Variants in IGSF9 observed in about 807,000 individuals in gnomAD.
IGSF9 encodes protein turtle homolog A.
In IGSF9, 87 loss-of-function variants were observed where a neutral mutation model predicts 121.7. The ratio of observed to expected loss-of-function variants is 0.71; its 90% CI spans 0.60 to 0.85. The LOEUF is 0.85. IGSF9 is among the 40% of genes least tolerant of loss of function. The pLI, the probability that IGSF9 is intolerant of heterozygous loss-of-function variation, is 0.00. For synonymous variants in IGSF9, 640 were observed against 648.4 expected (o/e 0.99, Z 0.20); for missense variants, 1,462 against 1,565.3 (o/e 0.93, Z 1.11).
In IGSF9 at chr1:159,930,387, A is replaced by G; in HGVS notation, c.1866T>C (p.Pro622=). 6.3e-7 allele frequency: 1 copy of G among 1,576,242 alleles called. No individual in the cohort carries two copies. Among genetic ancestry groups the G allele is most frequent in the Non-Finnish European group, 8.6e-7 (1 of 1,159,838 alleles). The part of the protein sequence containing the change: ...APGLPPTEIP[P]PLSPPRGLVA... Reference sequence around the variant, plus strand: ...CCAGACCCCGCGGAGGGGACAGGGGAGGCGGTATCTCTGTTGGGGGAAGCC... The same window carrying G: ...CCAGACCCCGCGGAGGGGACAGGGGGGGCGGTATCTCTGTTGGGGGAAGCC... The change falls in exon 15 of 21, where the codon CCT becomes CCC. Residue 622 remains proline, a synonymous_variant. Transcript: ENST00000368094.
At position 159,932,507 on chromosome 1, in the gene IGSF9, C is replaced by G; in HGVS notation, c.1245+5G>C. The G allele has an allele frequency of 2.5e-6, 4 of 1,613,828 alleles. No individual in the cohort carries two copies. Among genetic ancestry groups the G allele is most frequent in the Non-Finnish European group, 3.4e-6 (4 of 1,179,862 alleles). ...CCACAGGCCCCCGCCCACCCCCGGC[C>G]TAACCTTGAGCAGCACGCGGGTCAC... is the stretch of plus-strand genomic sequence containing the variant. On this transcript the variant is annotated splice_donor_5th_base_variant and intron_variant, in intron 10 of 20. Coordinates refer to ENST00000368094, the MANE Select transcript of IGSF9 (RefSeq NM_001135050.2). The surrounding 1 kb of genome is among the most constrained non-coding windows in gnomAD (Gnocchi z 4.1).
At position 159,929,956 on chromosome 1, in the gene IGSF9, C is replaced by A; in HGVS notation, c.2084G>T (p.Arg695Leu). 1.9e-6 allele frequency: 3 copies of A among 1,585,862 alleles called. No individual in the cohort carries two copies. The highest frequency in any genetic ancestry group is 2.3e-5 in the South Asian group (2 of 88,344). ...GAAGCTGCCCGCGAAGGCCACGAGG[C>A]GGAACTCGTAGAGAACATCCTGCGA... ...GLIKDVLYEF[R>L]LVAFAGSFVS... Residue 695 changes from arginine to leucine, a missense_variant, in exon 16 of 21, where the codon CGC (arginine) becomes CTC (leucine). Arg to Leu is a moderately radical substitution (Grantham distance 102). Coordinates refer to ENST00000368094, the MANE Select transcript of IGSF9 (RefSeq NM_001135050.2).
chr1:159,943,431 G>C lies in IGSF9; in HGVS notation c.24C>G (p.Ala8=), dbSNP rs151312318. Residue 8 remains alanine (A), a synonymous_variant, in exon 2 of 21, where the codon GCC becomes GCG. Coordinates refer to ENST00000368094, the MANE Select transcript of IGSF9 (RefSeq NM_001135050.2). ...CCTGGCTGATGACCAGGCTGAGGACGGCCAGGCCGAGGCACCACACCATAG... is the reference window on the plus strand; with the variant it reads ...CCTGGCTGATGACCAGGCTGAGGACCGCCAGGCCGAGGCACCACACCATAG... MVWCLGL[A]VLSLVISQGA... 1.9e-6 allele frequency: 3 copies of C among 1,588,094 alleles called. No individual in the cohort carries two copies. Among genetic ancestry groups the C allele is most frequent in the South Asian group, 2.3e-5 (2 of 86,788 alleles).
At position 159,929,230 on chromosome 1, in the gene IGSF9, C is replaced by T. The variant is rs1184651037; in HGVS notation, c.2369+121G>A. ...CACTGCACACCCCTTCTTACCCTCTCCCACTTTTGTTCCTCCCCAACACCC... is the reference window on the plus strand; with the variant it reads ...CACTGCACACCCCTTCTTACCCTCTTCCACTTTTGTTCCTCCCCAACACCC... On this transcript the variant is annotated intron_variant, in intron 18 of 20. Coordinates refer to ENST00000368094, the MANE Select transcript of IGSF9 (RefSeq NM_001135050.2). 2.2e-6 allele frequency: 3 copies of T among 1,386,944 alleles called. No homozygotes were observed. The East Asian group carries it at 6.9e-5, about 32-fold the overall frequency. 85.9% of individuals were successfully genotyped at this position (1,386,944 alleles called of 1,614,324 possible).
chr1:159,927,683 A>C, intron 20 of IGSF9, 77 bp downstream of exon 20: 1 of 1,566,604 alleles, frequency 6.4e-7, no homozygotes, highest in Non-Finnish European at 8.7e-7. Context: ...CTGACTGGGA[A>C]TAGATGGGTC....
At chr1:159,941,929 C>T (rs1398338753) in intron 3 of IGSF9, among the ~76,000 whole-genome samples, 1 of 152,264 alleles carries the variant, frequency 6.6e-6, no homozygotes, top group Non-Finnish European at 1.5e-5. Context: ...TTCCCTTCTG[C>T]ATCACCTGCC....
At chr1:159,937,264 A>G (rs1035364468) in intron 4 of IGSF9, among the ~76,000 whole-genome samples, 5 of 152,198 alleles carry the variant, frequency 3.3e-5, no homozygotes, top group African/African-American at 1.2e-4. Flanking sequence ...AATGGGAATG[A>G]TTATGACCTC....
rs567686266 is a variant in IGSF9, at chr1:159,944,251, T to C, written c.-174-623A>G. Among the ~76,000 whole-genome samples, 5 of 152,198 alleles carry C rather than the reference T, an allele frequency of 3.3e-5. No individual in the cohort carries two copies. The South Asian group carries it at 1.0e-3, about 32-fold the overall frequency. On this transcript the variant is annotated intron_variant, in intron 1 of 20. Coordinates refer to ENST00000368094, the MANE Select transcript of IGSF9 (RefSeq NM_001135050.2). Reference sequence around the variant, plus strand: ...TTTCCCCAGCCTCTATGAAAAACTCTGGAAGCTGAGGACCCGAGGCCTTTC... The same window carrying C: ...TTTCCCCAGCCTCTATGAAAAACTCCGGAAGCTGAGGACCCGAGGCCTTTC...
In IGSF9 at chr1:159,928,917, G is replaced by T; in HGVS notation, c.2471C>A (p.Ala824Asp). The T allele has an allele frequency of 6.3e-7, 1 of 1,587,842 alleles. No individual in the cohort carries two copies. Residue 824 changes from alanine (A) to aspartate (D), a missense_variant, in exon 19 of 21, where the codon GCC (alanine) becomes GAC (aspartate). Physicochemically the swap from Ala to Asp is moderately radical, Grantham distance 126 (BLOSUM62 -2). Transcript: ENST00000368094. ...LRQSLLWGDP[A>D]GTPSPHPDPP... ...ATCCGGGTGGGGGCTGGGAGTTCCG[G>T]CAGGATCCCCCCAGAGCAGACTCTG...
At position 159,937,750 on chromosome 1, in the gene IGSF9, G is replaced by A; in HGVS notation, c.336C>T (p.Phe112=). 6.2e-7 allele frequency: 1 copy of A among 1,614,080 alleles called. No homozygotes were observed. The highest frequency in any genetic ancestry group is 8.5e-7 in the Non-Finnish European group (1 of 1,179,970). The change falls in exon 4 of 21, where the codon TTC becomes TTT. Residue 112 remains phenylalanine, a synonymous_variant. Transcript: ENST00000368094. ...CGTCTTCAGGGATGTGCTGGTCCAG[G>A]AAGAACACGCGGCACTCGTACCAGC... ...DQGWYECRVF[F]LDQHIPEDDF... is the part of the protein sequence containing the mutation.
rs1398741103 is a variant in IGSF9, at chr1:159,928,682, G to A, written c.2706C>T (p.Asp902=). The change falls in exon 19 of 21, where the codon GAC becomes GAT. Residue 902 remains aspartate, a synonymous_variant. Transcript: ENST00000368094. ...SGAPQPLCIE[D]ISPVAPPPAA... The stretch of plus-strand genomic sequence containing the variant: ...CTGGAGGGGGTGCCACAGGGCTGAT[G>A]TCTTCAATGCAGAGGGGCTGGGGTG... 6.8e-7 allele frequency: 1 copy of A among 1,479,564 alleles called. No homozygotes were observed. Among genetic ancestry groups the A allele is most frequent in the Non-Finnish European group, 9.0e-7 (1 of 1,113,406 alleles). 91.7% of individuals were successfully genotyped at this position (1,479,564 alleles called of 1,614,324 possible). A position where few individuals can be genotyped will look rare whatever the true frequency, so the allele number is the denominator to read the frequency against.
chr1:159,929,072 G>A, intron 18 of IGSF9, 54 bp from the exon 19 acceptor site: 2 of 1,493,400 alleles, frequency 1.3e-6, no homozygotes, highest in Non-Finnish European at 8.9e-7. Context: ...CCCCTCCCAG[G>A]AGCCAGCGTC....
intron 9 of IGSF9, 24 bp downstream of exon 9, chr1:159,934,166 C>G: frequency 6.2e-7 from 1 of 1,600,606 alleles, no homozygotes; most frequent in Non-Finnish European, 8.5e-7. Flanking sequence ...CTAAGACCCT[C>G]CTTCCCCTGC....
rs1282291872 is a variant in IGSF9 at position 159,929,892 on chromosome 1, G to C, written c.2148C>G (p.Ser716=). 1 of 1,575,452 alleles carries C rather than the reference G, an allele frequency of 6.3e-7. No individual in the cohort carries two copies. Among genetic ancestry groups the C allele is most frequent in the East Asian group, 2.4e-5 (1 of 42,456 alleles). ...DPSNTANVST[S]GLEVYPSRTQ... is the part of the protein sequence containing the mutation. ...TCCTCCCTCACGCCAGGTGCTCACC[G>C]GAAGTGGAGACGTTGGCCGTGTTGC... Residue 716 remains serine, a splice_region_variant and synonymous_variant, in exon 16 of 21, where the codon TCC becomes TCG. Coordinates refer to ENST00000368094, the MANE Select transcript of IGSF9 (RefSeq NM_001135050.2).
chr1:159,940,841 A>G (rs947866223), intron 3 of IGSF9, among the ~76,000 whole-genome samples: 2 of 152,176 alleles, frequency 1.3e-5, no homozygotes, highest in Non-Finnish European at 2.9e-5. Flanking sequence ...GGCATCTTGA[A>G]AATCCCAAGA....
intron 6 of IGSF9, 24 bp downstream of exon 6, chr1:159,936,375 C>T (rs1208716064): frequency 1.9e-6 from 3 of 1,602,100 alleles, no homozygotes; most frequent in South Asian, 1.1e-5. Context: ...AACCCTGGAC[C>T]CCAGCCCTCC....
chr1:159,943,211 G>T (rs1012498537), intron 2 of IGSF9, 60 bp from the exon 3 acceptor site: 45 of 1,436,822 alleles, frequency 3.1e-5, no homozygotes, highest in Non-Finnish European at 3.9e-5. Context: ...GGGAGGGGGA[G>T]TGCCATCAGT....
chr1:159,936,642 TG>T, intron 5 of IGSF9, 111 bp downstream of exon 5: 1 of 1,529,478 alleles, frequency 6.5e-7, no homozygotes, highest in Non-Finnish European at 8.9e-7. Flanking sequence ...GCCCTTCTTC[TG>T]GCCCATCCTC....
intron 3 of IGSF9, among the ~76,000 whole-genome samples, chr1:159,938,096 CA>C (rs1392192550): frequency 6.6e-6 from 1 of 152,150 alleles, no homozygotes; most frequent in Non-Finnish European, 1.5e-5. Context: ...AGCAGGTGGA[CA>C]AAACCTTCCC....
Sources: allele counts gnomAD v4.1 joint callset (sites outside exome capture counted in the v4.1 genomes callset), GRCh38; gene constraint gnomAD v4.1.1; non-coding constraint Gnocchi (gnomAD v3.1); transcripts MANE v1.5; gene names NCBI Gene and HGNC (gene_info 2026-07-23, HGNC 2026-07-21).